The following CTNND2 variants were observed in gnomAD, a reference collection of about 807,000 sequenced individuals.
CTNND2 encodes catenin delta-2.
CTNND2 carries 22 observed loss-of-function variants against 144.4 expected under a neutral mutation model. That is an observed-to-expected ratio of 0.15 (90% CI 0.11 to 0.22). The LOEUF is 0.22. Among genes scored for constraint, CTNND2 ranks in the 10% least tolerant of loss-of-function variants. The pLI, the probability that CTNND2 is intolerant of heterozygous loss-of-function variation, is 1.00. For synonymous variants in CTNND2, 751 were observed against 695.6 expected (o/e 1.08, Z -1.25); for missense variants, 1,353 against 1,618.8 (o/e 0.84, Z 2.82).
intron 2 of CTNND2, among the ~76,000 whole-genome samples, chr5:11,580,267 G>A (rs1251929040): frequency 6.6e-6 from 1 of 151,976 alleles, no homozygotes; most frequent in East Asian, 1.9e-4. Flanking sequence ...GACTACCCAT[G>A]GTTAACCAGT....
At chr5:11,780,751 G>A (rs1436790071) in intron 1 of CTNND2, among the ~76,000 whole-genome samples, 1 of 152,172 alleles carries the variant, frequency 6.6e-6, no homozygotes, top group African/African-American at 2.4e-5. Flanking sequence ...GAGTAATAGA[G>A]GTGACACACA....
intron 16 of CTNND2, among the ~76,000 whole-genome samples, chr5:11,025,021 C>T (rs992112609): frequency 1.3e-5 from 2 of 152,168 alleles, no homozygotes. Flanking sequence ...TAACTTACCC[C>T]AACTTTACTG....
chr5:11,899,900 G>A (rs932161706), intron 1 of CTNND2, among the ~76,000 whole-genome samples: 5 of 152,146 alleles, frequency 3.3e-5, no homozygotes, highest in African/African-American at 1.2e-4. Flanking sequence ...GTACCCACCA[G>A]AAGCAGAATG....
intron 1 of CTNND2, among the ~76,000 whole-genome samples, chr5:11,739,900 AAGAC>A (rs577481655): frequency 2.4e-4 from 37 of 151,332 alleles, no homozygotes; most frequent in Non-Finnish European, 4.6e-4. Context: ...ACACCAATAG[AAGAC>A]AGAGAGCCAG....
chr5:11,699,459 C>G (rs1465245729), intron 2 of CTNND2, among the ~76,000 whole-genome samples: 1 of 151,980 alleles, frequency 6.6e-6, no homozygotes, highest in Non-Finnish European at 1.5e-5. Context: ...ATGTGGAGTT[C>G]AATTTGCTTA....
chr5:11,674,382 G>A (rs556180309), intron 2 of CTNND2, among the ~76,000 whole-genome samples: 1 of 152,160 alleles, frequency 6.6e-6, no homozygotes, highest in East Asian at 1.9e-4. Flanking sequence ...CGTAGTTTTA[G>A]GTTCACAGCA....
At chr5:11,656,699 A>G (rs993972295) in intron 2 of CTNND2, among the ~76,000 whole-genome samples, 4 of 152,148 alleles carry the variant, frequency 2.6e-5, no homozygotes, top group African/African-American at 9.7e-5. Context: ...AGAGCCACAA[A>G]AGATGCACAA....
intron 14 of CTNND2, among the ~76,000 whole-genome samples, chr5:11,100,079 A>G (rs2149668425): frequency 6.6e-6 from 1 of 152,342 alleles, no homozygotes; most frequent in South Asian, 2.1e-4. Flanking sequence ...GCAAGAAAAT[A>G]CATGCTTACT....
At chr5:11,671,128 T>C (rs750604494) in intron 2 of CTNND2, among the ~76,000 whole-genome samples, 7 of 152,268 alleles carry the variant, frequency 4.6e-5, no homozygotes, top group Non-Finnish European at 1.0e-4. Context: ...GCTTGTAGAG[T>C]TTCTGCTGAG....
chr5:11,495,555 T>G (rs998339786), intron 3 of CTNND2, among the ~76,000 whole-genome samples: 4 of 152,294 alleles, frequency 2.6e-5, no homozygotes, highest in Admixed American at 2.0e-4. Context: ...GAACTGCCCT[T>G]GAGTCCAGAT....
intron 1 of CTNND2, among the ~76,000 whole-genome samples, chr5:11,888,384 C>G (rs536949872): frequency 6.6e-6 from 1 of 152,284 alleles, no homozygotes; most frequent in South Asian, 2.1e-4. Flanking sequence ...GGCCAACGTA[C>G]TAGCCTGTGG....
At chr5:11,005,182 C>G (rs1038572531) in intron 18 of CTNND2, among the ~76,000 whole-genome samples, 8 of 152,198 alleles carry the variant, frequency 5.3e-5, no homozygotes, top group African/African-American at 1.7e-4. Flanking sequence ...AGGAATTGAC[C>G]TGTGCCCAGG....
chr5:11,324,229 T>G (rs775693630), intron 9 of CTNND2, among the ~76,000 whole-genome samples: 1 of 152,170 alleles, frequency 6.6e-6, no homozygotes, highest in Non-Finnish European at 1.5e-5. Context: ...CCTTTTCTCA[T>G]GTTTATATGC....
At chr5:11,318,202 C>T (rs562628940) in intron 9 of CTNND2, among the ~76,000 whole-genome samples, 1 of 152,256 alleles carries the variant, frequency 6.6e-6, no homozygotes, top group Non-Finnish European at 1.5e-5. Flanking sequence ...GTCCATCACT[C>T]CCTCATTCTC....
At chr5:11,836,648 A>T (rs1249643259) in intron 1 of CTNND2, among the ~76,000 whole-genome samples, 2 of 152,196 alleles carry the variant, frequency 1.3e-5, no homozygotes, top group Non-Finnish European at 2.9e-5. Context: ...ATCATCTCTT[A>T]TCATGTGCTG....
intron 3 of CTNND2, among the ~76,000 whole-genome samples, chr5:11,435,967 A>G (rs1283098727): frequency 6.6e-6 from 1 of 152,178 alleles, no homozygotes; most frequent in African/African-American, 2.4e-5. Context: ...GGCGAAGATA[A>G]AATAACAGTT....
At position 11,443,349 on chromosome 5, in the gene CTNND2, G is replaced by A. The variant is rs1164408376; in HGVS notation, c.288-31280C>T. ...TGTGTGTGGTGTGTGTGGGGAGTGT[G>A]TGGGAGGGTGTGTGGGGGGGTGTGG... On this transcript the variant is annotated intron_variant, in intron 3 of 21. Transcript: ENST00000304623. Among the ~76,000 whole-genome samples, 155 of 63,098 alleles carry A rather than the reference G, an allele frequency of 2.5e-3. 2 individuals carry two copies. Among genetic ancestry groups the A allele is most frequent in the African/African-American group, 0.012 (148 of 12,414 alleles). The allele number at this position is 63,098 out of a possible 152,430, so 41.4% of individuals were successfully genotyped here.
intron 18 of CTNND2, among the ~76,000 whole-genome samples, chr5:10,994,334 G>T (rs1371786886): frequency 3.7e-5 from 1 of 26,760 alleles, no homozygotes; most frequent in Admixed American, 3.1e-4. Flanking sequence ...ATGGAGGAGC[G>T]GGGGCCGGGG....
At chr5:11,554,106 G>A (rs893227223) in intron 3 of CTNND2, among the ~76,000 whole-genome samples, 18 of 151,986 alleles carry the variant, frequency 1.2e-4, no homozygotes, top group African/African-American at 4.1e-4. Flanking sequence ...ATGATGACTG[G>A]TATTTTATAG....
Sources: allele counts gnomAD v4.1 joint callset (sites outside exome capture counted in the v4.1 genomes callset), GRCh38; gene constraint gnomAD v4.1.1; transcripts MANE v1.5; gene names NCBI Gene and HGNC (gene_info 2026-07-23, HGNC 2026-07-21).